ERI3: variants seen among roughly 807,000 people sequenced by gnomAD.
ERI3 encodes the protein ERI1 exoribonuclease family member 3, also known as ERI1 exoribonuclease 3.
A neutral mutation model predicts 44.4 loss-of-function variants in ERI3; 18 were observed. That is an observed-to-expected ratio of 0.41 (90% CI 0.28 to 0.60). The LOEUF (loss-of-function observed/expected upper bound fraction) is 0.60, where lower values mean the gene tolerates loss of function less well. Among genes scored for constraint, ERI3 ranks in the 20% least tolerant of loss-of-function variants. ERI3 has a pLI of 0.36. For missense variants in ERI3, 294 were observed against 435.5 expected, an observed-to-expected ratio of 0.68 and a Z score of 2.89; for synonymous variants, 183 against 164.8, an observed-to-expected ratio of 1.11 and a Z score of -0.84.
chr1:44,278,756 C>T (rs1408182211), intron 7 of ERI3, among the ~76,000 whole-genome samples: 2 of 152,074 alleles, frequency 1.3e-5, no homozygotes, highest in Admixed American at 6.6e-5. Context: ...CCCGCCACCA[C>T]ATCCGACTAA....
At chr1:44,258,945 A>G (rs2154319675) in intron 7 of ERI3, among the ~76,000 whole-genome samples, 1 of 152,288 alleles carries the variant, frequency 6.6e-6, no homozygotes, top group African/African-American at 2.4e-5. Flanking sequence ...TGCACCCAAC[A>G]TCCTGGCTCC....
intron 6 of ERI3, among the ~76,000 whole-genome samples, chr1:44,307,050 C>T (rs981234156): frequency 6.6e-6 from 1 of 152,098 alleles, no homozygotes; most frequent in African/African-American, 2.4e-5. Context: ...GCTTCTAGTC[C>T]CAGCCTGTAT....
chr1:44,288,386 A>C (rs1269862159), intron 6 of ERI3, among the ~76,000 whole-genome samples: 1 of 152,148 alleles, frequency 6.6e-6, no homozygotes, highest in Non-Finnish European at 1.5e-5. Context: ...AAGCTGTACA[A>C]ATGTAGCAGG....
intron 5 of ERI3, 41 bp downstream of exon 5, chr1:44,313,128 G>A: frequency 6.3e-7 from 1 of 1,578,804 alleles, no homozygotes; most frequent in Non-Finnish European, 8.7e-7. Flanking sequence ...AAGGCAGCAG[G>A]AAGGGGTCAG....
chr1:44,230,451 C>A (rs1207321815), intron 8 of ERI3: 1 of 152,278 alleles, frequency 6.6e-6, no homozygotes. Flanking sequence ...TACCTGGCAG[C>A]CTCATCAGTC....
chr1:44,327,291 T>G (rs1646336363), intron 3 of ERI3, among the ~76,000 whole-genome samples: 1 of 152,340 alleles, frequency 6.6e-6, no homozygotes, highest in South Asian at 2.1e-4. Flanking sequence ...TCTATCAGTA[T>G]GTTGATAAGA....
At chr1:44,350,821 T>A (rs1646874515) in intron 2 of ERI3, among the ~76,000 whole-genome samples, 1 of 149,552 alleles carries the variant, frequency 6.7e-6, no homozygotes, top group Non-Finnish European at 1.5e-5. Context: ...TGGTCCCAAT[T>A]TCCTGCCTCA....
intron 4 of ERI3, among the ~76,000 whole-genome samples, chr1:44,314,060 A>G (rs1000074235): frequency 2.6e-5 from 4 of 151,870 alleles, no homozygotes; most frequent in African/African-American, 7.3e-5. Context: ...CTGGACACCA[A>G]CTGGAAATCA....
intron 3 of ERI3, among the ~76,000 whole-genome samples, chr1:44,328,390 A>G (rs1646359513): frequency 6.6e-6 from 1 of 151,836 alleles, no homozygotes; most frequent in South Asian, 2.1e-4. Context: ...TAGAAATGCA[A>G]ATTTCTGGCC....
chr1:44,272,181 C>A (rs897162971), intron 7 of ERI3, among the ~76,000 whole-genome samples: 20 of 152,274 alleles, frequency 1.3e-4, no homozygotes, highest in African/African-American at 4.6e-4. Flanking sequence ...AGGGAGCTAC[C>A]AAGGCTCAAA....
intron 7 of ERI3, among the ~76,000 whole-genome samples, chr1:44,270,995 C>T (rs1332684431): frequency 4.6e-5 from 7 of 152,236 alleles, no homozygotes; most frequent in African/African-American, 1.7e-4. Flanking sequence ...TAGAGGTCTT[C>T]TGCCAACGGT....
chr1:44,306,982 G>C (rs1177056229), intron 6 of ERI3, among the ~76,000 whole-genome samples: 1 of 152,212 alleles, frequency 6.6e-6, no homozygotes, highest in Non-Finnish European at 1.5e-5. Flanking sequence ...CTATTAACAA[G>C]AACAAGAGTC....
intron 7 of ERI3, among the ~76,000 whole-genome samples, chr1:44,251,979 C>T (rs1327933901): frequency 6.6e-6 from 1 of 152,206 alleles, no homozygotes; most frequent in Non-Finnish European, 1.5e-5. Context: ...GAGCTTGTGC[C>T]CGAGCCTGTT....
At chr1:44,259,920 T>TAGATAGATAGATAGATAGAC (rs778936296) in intron 7 of ERI3, among the ~76,000 whole-genome samples, 66 of 129,738 alleles carry the variant, frequency 5.1e-4, no homozygotes, top group Non-Finnish European at 7.8e-4. Context: ...GATAGATAGA[T>TAGATAGATAGATAGATAGAC]AGACAGACAG....
intron 6 of ERI3, among the ~76,000 whole-genome samples, chr1:44,302,470 G>A (rs779228908): frequency 6.6e-6 from 1 of 152,218 alleles, no homozygotes; most frequent in Non-Finnish European, 1.5e-5. Context: ...GGGCAACGGT[G>A]CGATGCCCCA....
rs1007760465 is a variant in ERI3 at position 44,336,537 on chromosome 1, T to C, written c.489+2508A>G. Among the ~76,000 whole-genome samples, 7 of 91,842 alleles carry C rather than the reference T, an allele frequency of 7.6e-5. No homozygotes were observed. The South Asian group carries it at 1.2e-3, about 16-fold the overall frequency. 60.3% of individuals were successfully genotyped at this position (91,842 alleles called of 152,430 possible). ...CTAGATCCACTCAAATCCATCACTA[T>C]GTCACAGCAAGAAGTTAAGATTGAT... On this transcript the variant is annotated intron_variant, in intron 3 of 8. Transcript: ENST00000372257.
intron 8 of ERI3, among the ~76,000 whole-genome samples, chr1:44,240,376 T>C (rs1164391904): frequency 6.6e-6 from 1 of 152,198 alleles, no homozygotes; most frequent in Non-Finnish European, 1.5e-5. Context: ...AGTAGCTGAA[T>C]GAACTTCTCT....
intron 8 of ERI3, among the ~76,000 whole-genome samples, chr1:44,227,200 C>T (rs114257826): frequency 0.015 from 2,253 of 152,252 alleles, 50 homozygotes; most frequent in African/African-American, 0.051. Context: ...TCTCCACAGG[C>T]CTCCTGCCTG....
chr1:44,350,719 CTT>C (rs1447520346), intron 2 of ERI3, among the ~76,000 whole-genome samples: 1 of 152,008 alleles, frequency 6.6e-6, no homozygotes, highest in Admixed American at 6.6e-5. Context: ...CAGTTATACT[CTT>C]TTTTTTATTT....
Sources: allele counts gnomAD v4.1 joint callset (sites outside exome capture counted in the v4.1 genomes callset), GRCh38; gene constraint gnomAD v4.1.1; transcripts MANE v1.5; gene names NCBI Gene and HGNC (gene_info 2026-07-23, HGNC 2026-07-21).